Variants in FCRL5 observed in about 807,000 individuals in gnomAD.
FCRL5 encodes the protein Fc receptor-like protein 5.
FCRL5 carries 79 observed loss-of-function variants against 92.1 expected under a neutral mutation model. The ratio of observed to expected loss-of-function variants is 0.86; its 90% confidence interval spans 0.72 to 1.03. The LOEUF (loss-of-function observed/expected upper bound fraction) is 1.03, where lower values mean the gene tolerates loss of function less well. Among genes scored for constraint, FCRL5 ranks in the 50% least tolerant of loss-of-function variants. The probability of loss-of-function intolerance (pLI) is 0.00; values close to 1 mark genes in which losing one functional copy is unlikely to be tolerated. For synonymous variants in FCRL5, 466 were observed against 469.3 expected (o/e 0.99, Z 0.09); for missense variants, 1,160 against 1,181.1 (o/e 0.98, Z 0.26).
intron 10 of FCRL5, 42 bp downstream of exon 10, chr1:157,524,237 G>T (rs1650321559): frequency 1.2e-6 from 2 of 1,607,452 alleles, no homozygotes; most frequent in African/African-American, 1.3e-5. Context: ...AACAGGCACA[G>T]TCAGTTCTCA....
At position 157,515,235 on chromosome 1, in the gene FCRL5, G is replaced by A. The variant is rs965008918; in HGVS notation, c.*440C>T. 6 of 261,358 alleles carry A rather than the reference G, an allele frequency of 2.3e-5. No homozygotes were observed. The highest frequency in any genetic ancestry group is 4.4e-5 in the African/African-American group (2 of 45,650). The allele number at this position is 261,358 out of a possible 1,614,324, so 16.2% of individuals were successfully genotyped here. A position where few individuals can be genotyped will look rare whatever the true frequency, so the allele number is the denominator to read the frequency against. On this transcript the variant is annotated 3_prime_UTR_variant, in exon 17 of 17. Transcript: ENST00000361835. ...TAGCCCCACCAGGCTGATGACAATT[G>A]AGAAATGCATCCACCCAAAGCAGGA...
In FCRL5 at chr1:157,527,753, C is replaced by T. The variant is rs776442047; in HGVS notation, c.1824G>A (p.Gly608=). ...CTCCTCCAGAGGGGGCTGAGCTGCT[C>T]CCCAGGGTGACATCCTCATGATAAA... The part of the protein sequence containing the change: ...YWFYHEDVTL[G]SSSAPSGGEA... Residue 608 remains glycine (G), a synonymous_variant, in exon 9 of 17, where the codon GGG becomes GGA. Transcript: ENST00000361835. 2.5e-6 allele frequency: 4 copies of T among 1,614,146 alleles called. No individual in the cohort carries two copies. Among genetic ancestry groups the T allele is most frequent in the East Asian group, 2.2e-5 (1 of 44,874 alleles).
intron 10 of FCRL5, chr1:157,521,863 G>A (rs535341919): frequency 6.6e-6 from 1 of 152,406 alleles, no homozygotes; most frequent in African/African-American, 2.4e-5. Flanking sequence ...AGGAGTTCAA[G>A]TCCTACTTCT....
intron 12 of FCRL5, 51 bp downstream of exon 12, chr1:157,520,380 G>A (rs1571075020): frequency 7.6e-7 from 1 of 1,317,222 alleles, no homozygotes; most frequent in Non-Finnish European, 1.1e-6. Flanking sequence ...CCAAGGGAGC[G>A]TTGCTGGGAA....
intron 3 of FCRL5, chr1:157,546,409 C>A: frequency 3.0e-6 from 1 of 334,114 alleles, no homozygotes; most frequent in Non-Finnish European, 5.9e-6. Context: ...GATAACGCCA[C>A]TGCACTCCAG....
intron 7 of FCRL5, 128 bp from the exon 8 acceptor site, chr1:157,535,020 A>G: frequency 1.3e-6 from 1 of 789,204 alleles, no homozygotes; most frequent in Non-Finnish European, 1.9e-6. Context: ...AGGGCAGCCA[A>G]GCAACTTCTC....
intron 1 of FCRL5, 49 bp from the exon 2 acceptor site, chr1:157,549,629 G>C (rs769777306): frequency 1.1e-5 from 17 of 1,574,882 alleles, no homozygotes; most frequent in African/African-American, 1.4e-5. Flanking sequence ...TGATTATTTT[G>C]TTTTAAGAAG....
At chr1:157,541,893 T>G (rs1238935242) in intron 6 of FCRL5, 1 of 152,290 alleles carries the variant, frequency 6.6e-6, no homozygotes, top group Non-Finnish European at 1.5e-5. Context: ...TCTCTGAGCA[T>G]GTTTGATCAT....
intron 3 of FCRL5, chr1:157,546,234 G>A (rs1651528712): frequency 2.2e-6 from 1 of 453,848 alleles, no homozygotes; most frequent in Admixed American, 2.4e-5. Flanking sequence ...GATCACTTGA[G>A]CCCAGGAGTT....
chr1:157,541,418 T>C (rs1022111149), intron 6 of FCRL5, among the ~76,000 whole-genome samples: 4 of 152,264 alleles, frequency 2.6e-5, no homozygotes, highest in Admixed American at 2.0e-4. Flanking sequence ...CCCAAGCCCT[T>C]ACTCTGCTTC....
At chr1:157,519,842 C>G in intron 12 of FCRL5, 72 bp from the exon 13 acceptor site, 2 of 1,507,532 alleles carry the variant, frequency 1.3e-6, no homozygotes, top group Non-Finnish European at 1.8e-6. Context: ...TCAGGCAAGG[C>G]TCACTTAGAA....
rs78516413 is a variant in FCRL5, at chr1:157,524,147, G to A, written c.2239+132C>T. ...TCCGAGACTTTCACAGGGAGGTTCT[G>A]CAGGCAGGAAGTGTGCTGGGATGCC... On this transcript the variant is annotated intron_variant, in intron 10 of 16. Coordinates refer to ENST00000361835, the MANE Select transcript of FCRL5 (RefSeq NM_031281.3). 2,857 of 873,890 alleles carry A rather than the reference G, an allele frequency of 3.3e-3. 54 individuals are homozygous for A. In the African/African-American group the frequency reaches 0.039, roughly 12 times the overall value. The allele number at this position is 873,890 out of a possible 1,614,324, so 54.1% of individuals were successfully genotyped here. A position where few individuals can be genotyped will look rare whatever the true frequency, so the allele number is the denominator to read the frequency against.
rs1649892273 is a variant in FCRL5 at position 157,515,745 on chromosome 1, G to C, written c.2864C>G (p.Ser955Cys). ...LRNKGSPIIY[S>C]EVKVASTPVS... Reference sequence around the variant, plus strand: ...CGGGGTTGACGCCACCTTAACTTCAGAGTAGATGATAGGGGAACCCTAGGA... The same window carrying C: ...CGGGGTTGACGCCACCTTAACTTCACAGTAGATGATAGGGGAACCCTAGGA... The change falls in exon 17 of 17, where the codon TCT (serine) becomes TGT (cysteine). Residue 955 changes from serine to cysteine, a missense_variant. Physicochemically the swap from Ser to Cys is moderately radical, Grantham distance 112. Transcript: ENST00000361835. The C allele has an allele frequency of 6.2e-7, 1 of 1,612,964 alleles. No homozygotes were observed. The highest frequency in any genetic ancestry group is 8.5e-7 in the Non-Finnish European group (1 of 1,179,482).
intron 5 of FCRL5, 100 bp downstream of exon 5, chr1:157,544,162 G>T (rs940880376): frequency 2.4e-6 from 3 of 1,239,566 alleles, no homozygotes; most frequent in African/African-American, 1.5e-5. Context: ...TCACAGGTAC[G>T]AGTTTTTTCT....
At chr1:157,532,289 T>A (rs1243229643) in intron 8 of FCRL5, 10 of 152,160 alleles carry the variant, frequency 6.6e-5, no homozygotes, top group Admixed American at 1.3e-4. Context: ...TGTTCTCTCC[T>A]ATGTGACTCT....
At chr1:157,546,489 C>T (rs1316780789) in intron 3 of FCRL5, among the ~76,000 whole-genome samples, 6 of 151,810 alleles carry the variant, frequency 4.0e-5, no homozygotes, top group Non-Finnish European at 5.9e-5. Flanking sequence ...CCAAACCAAA[C>T]CAAACCAAAC....
chr1:157,532,074 C>A (rs1306684174), intron 8 of FCRL5: 5 of 152,128 alleles, frequency 3.3e-5, no homozygotes, highest in African/African-American at 4.8e-5. Context: ...AAATATCAAA[C>A]TGTGCTTCCA....
intron 1 of FCRL5, among the ~76,000 whole-genome samples, chr1:157,550,791 G>A (rs1451147535): frequency 6.6e-6 from 1 of 152,182 alleles, no homozygotes; most frequent in African/African-American, 2.4e-5. Context: ...TGAGAAATGG[G>A]TAATGAAGAG....
rs1489155372 is a variant in FCRL5 at position 157,527,818 on chromosome 1, A to T, written c.1759T>A (p.Cys587Ser). 2 of 1,613,448 alleles carry T rather than the reference A, an allele frequency of 1.2e-6. No homozygotes were observed. The highest frequency in any genetic ancestry group is 4.5e-5 in the East Asian group (2 of 44,874). ...AVVGDLLELH[C>S]EAPRGSPPIL... is the part of the protein sequence containing the mutation. ...GGGGGAGAGCCTCTCGGGGCCTCAC[A>T]GTGAAGCTCCAGCAGGTCCCCCACC... The change falls in exon 9 of 17, where the codon TGT (cysteine) becomes AGT (serine). Residue 587 changes from cysteine (C) to serine (S), a missense_variant. Physicochemically the swap from Cys to Ser is moderately radical, Grantham distance 112. Transcript: ENST00000361835.
Sources: allele counts gnomAD v4.1 joint callset (sites outside exome capture counted in the v4.1 genomes callset), GRCh38; gene constraint gnomAD v4.1.1; transcripts MANE v1.5; gene names NCBI Gene and HGNC (gene_info 2026-07-23, HGNC 2026-07-21).